The following SSUH2 variants were observed in gnomAD, a reference collection of about 807,000 sequenced individuals.
SSUH2 encodes ssu-2 homolog, also known as protein SSUH2 homolog.
A neutral mutation model predicts 55.3 loss-of-function variants in SSUH2; 47 were observed. That is an observed-to-expected ratio of 0.85 (90% CI 0.67 to 1.08). The LOEUF (loss-of-function observed/expected upper bound fraction) is 1.08. Ranked by LOEUF, SSUH2 falls within the 50% of genes least tolerant of loss-of-function variation. The pLI is 0.00. For missense variants in SSUH2, 535 were observed against 490.7 expected (o/e 1.09, Z -0.85); for synonymous variants, 212 against 191.5 (o/e 1.11, Z -0.89).
chr3:8,642,413 T>G (rs1701003664), intron 1 of SSUH2, among the ~76,000 whole-genome samples: 1 of 151,760 alleles, frequency 6.6e-6, no homozygotes, highest in African/African-American at 2.4e-5. Context: ...GACCAAAGAG[T>G]AGAAGCTCCA....
chr3:8,656,142 T>C (rs1332163834), intron 7 of SSUH2, among the ~76,000 whole-genome samples: 1 of 152,158 alleles, frequency 6.6e-6, no homozygotes, highest in African/African-American at 2.4e-5. Flanking sequence ...AGACCAGGTT[T>C]GTGCAAATCT....
At chr3:8,652,355 CCA>C (rs1702511070) in intron 7 of SSUH2, among the ~76,000 whole-genome samples, 1 of 152,198 alleles carries the variant, frequency 6.6e-6, no homozygotes. Context: ...TTTACCATCT[CCA>C]GATTTTTCCC....
At chr3:8,628,925 C>G (rs355053) in intron 7 of SSUH2, among the ~76,000 whole-genome samples, 31,071 of 152,106 alleles carry the variant, frequency 0.2, 3,288 homozygotes, top group Non-Finnish European at 0.22. Flanking sequence ...GCACGTTCTC[C>G]GCTCACTGCA....
At chr3:8,644,839 C>T (rs1314396229), upstream of SSUH2, 5 of 1,204,700 alleles carry the variant, frequency 4.2e-6, no homozygotes, top group South Asian at 1.3e-5. Flanking sequence ...CCCTCAGGCC[C>T]CTCCCAGAAC....
intron 4 of SSUH2, among the ~76,000 whole-genome samples, chr3:8,671,712 T>C (rs565444175): frequency 2.1e-3 from 321 of 152,286 alleles, no homozygotes; most frequent in African/African-American, 7.4e-3. Flanking sequence ...AGCGGCATGT[T>C]GCTAGAATAT....
chr3:8,641,485 T>G (rs1374736077), intron 1 of SSUH2, among the ~76,000 whole-genome samples: 1 of 152,194 alleles, frequency 6.6e-6, no homozygotes, highest in African/African-American at 2.4e-5. Flanking sequence ...CTCTGGAAAC[T>G]GATTCAGGAG....
chr3:8,622,746 G>A (rs891814539), intron 11 of SSUH2, among the ~76,000 whole-genome samples: 1 of 152,194 alleles, frequency 6.6e-6, no homozygotes, highest in Non-Finnish European at 1.5e-5. Flanking sequence ...AAGGGGAAAT[G>A]CCCATTGCAA....
intron 10 of SSUH2, among the ~76,000 whole-genome samples, chr3:8,624,035 T>C (rs1697012481): frequency 1.3e-5 from 2 of 152,192 alleles, no homozygotes; most frequent in African/African-American, 4.8e-5. Context: ...CCTCTAAGGG[T>C]CAGGCACTGT....
chr3:8,639,477 C>G lies in SSUH2; in HGVS notation c.29-3620G>C, dbSNP rs898191157. ...AGATCCTGTCTCCAAGCCCAGTGAC[C>G]TTTCTACTTAGCTGAACACCCTATG... On this transcript the variant is annotated intron_variant, in intron 1 of 11. Coordinates refer to ENST00000544814, the MANE Select transcript of SSUH2 (RefSeq NM_001256748.3). Among the ~76,000 whole-genome samples, 6 of 152,176 alleles carry G rather than the reference C, an allele frequency of 3.9e-5. 1 individual carries two copies. The highest frequency in any genetic ancestry group is 2.0e-4 in the Admixed American group (3 of 15,286).
intron 7 of SSUH2, among the ~76,000 whole-genome samples, chr3:8,652,670 G>A (rs572310626): frequency 3.9e-5 from 6 of 152,150 alleles, no homozygotes; most frequent in African/African-American, 1.2e-4. Flanking sequence ...GCCCTCACAT[G>A]TTTTCCCCTG....
At position 8,626,280 on chromosome 3, in the gene SSUH2, G is replaced by A. The variant is rs766332544; in HGVS notation, c.716C>T (p.Thr239Ile). ...CAACAGCTTCTTCTCCCCCTTGCAG[G>A]TGGCGCAGGTCTTGTTCCCTCTCCC... is the stretch of plus-strand genomic sequence containing the variant. ...CSGRGNKTCA[T>I]CKGEKKLLHF... is the part of the protein sequence containing the mutation. The change falls in exon 9 of 12, where the codon ACC becomes ATC. Residue 239 changes from threonine (T) to isoleucine (I), a missense_variant. By Grantham distance (89) the Thr-to-Ile change is moderately conservative. Transcript: ENST00000544814. 37 of 1,614,130 alleles carry A rather than the reference G, an allele frequency of 2.3e-5. No individual in the cohort carries two copies. The highest frequency in any genetic ancestry group is 3.1e-5 in the Non-Finnish European group (37 of 1,180,006).
chr3:8,664,350 G>A (rs1172432192), intron 5 of SSUH2, among the ~76,000 whole-genome samples: 1 of 152,230 alleles, frequency 6.6e-6, no homozygotes, highest in Non-Finnish European at 1.5e-5. Context: ...CCATCTTCAT[G>A]AAGCATGTCC....
intron 6 of SSUH2, chr3:8,659,416 C>A (rs1320303802): frequency 1.9e-5 from 3 of 162,098 alleles, no homozygotes; most frequent in Non-Finnish European, 4.0e-5. Context: ...TGCCCCACTC[C>A]AGCCTCACCT....
chr3:8,637,169 C>A (rs897998665), intron 1 of SSUH2, among the ~76,000 whole-genome samples: 2 of 152,196 alleles, frequency 1.3e-5, no homozygotes, highest in African/African-American at 4.8e-5. Context: ...CCCACTCCAC[C>A]ACTGCCTGGT....
intron 11 of SSUH2, among the ~76,000 whole-genome samples, chr3:8,622,644 C>T (rs1281790572): frequency 6.6e-6 from 1 of 152,152 alleles, no homozygotes; most frequent in African/African-American, 2.4e-5. Flanking sequence ...TTTCTCAGCC[C>T]CCTTCCAGCT....
In SSUH2 at chr3:8,679,134, G is replaced by A. The variant is rs1170007421; in HGVS notation, c.-901+571C>T. Among the ~76,000 whole-genome samples, 6 of 102,512 alleles carry A rather than the reference G, an allele frequency of 5.9e-5. 2 individuals carry two copies. Among genetic ancestry groups the A allele is most frequent in the South Asian group, 3.4e-4 (1 of 2,924 alleles). 67.3% of individuals were successfully genotyped at this position (102,512 alleles called of 152,430 possible). A position where few individuals can be genotyped will look rare whatever the true frequency, so the allele number is the denominator to read the frequency against. ...CTCTTAGGACCCAAATTGCGGGGGG[G>A]AGGCACCCCCGCGAGGCGGGGACTG... On this transcript the variant is annotated intron_variant, in intron 2 of 18. Coordinates refer to the SSUH2 transcript ENST00000317371.
intron 3 of SSUH2, among the ~76,000 whole-genome samples, chr3:8,674,022 G>A (rs539703358): frequency 1.3e-5 from 2 of 152,366 alleles, no homozygotes; most frequent in African/African-American, 4.8e-5. Context: ...GAACACGTTA[G>A]AAGAAAACTG....
intron 5 of SSUH2, among the ~76,000 whole-genome samples, chr3:8,668,293 G>T (rs546238623): frequency 6.6e-6 from 1 of 152,298 alleles, no homozygotes; most frequent in South Asian, 2.1e-4. Context: ...AGGCAAACAG[G>T]CTGATGTTTT....
intron 2 of SSUH2, 61 bp from the exon 3 acceptor site, chr3:8,635,442 G>A (rs1254902358): frequency 2.5e-6 from 3 of 1,219,366 alleles, no homozygotes; most frequent in African/African-American, 3.0e-5. Context: ...TATTTGTGTG[G>A]TGGAAGAAGG....
Sources: allele counts gnomAD v4.1 joint callset (sites outside exome capture counted in the v4.1 genomes callset), GRCh38; gene constraint gnomAD v4.1.1; transcripts MANE v1.5; gene names NCBI Gene and HGNC (gene_info 2026-07-23, HGNC 2026-07-21).